The following PCDH11X variants were observed in gnomAD, a reference collection of about 807,000 sequenced individuals.
PCDH11X encodes the protein protocadherin 11 X-linked, also known as protocadherin-11 X-linked.
In PCDH11X, 18 loss-of-function variants were observed where a neutral mutation model predicts 53.3. That is an observed-to-expected ratio of 0.34 (90% CI 0.23 to 0.50). The LOEUF is 0.50. PCDH11X is among the 20% of genes least tolerant of loss of function. The pLI, the probability that PCDH11X is intolerant of heterozygous loss-of-function variation, is 0.98. For synonymous variants in PCDH11X, 279 were observed against 393.3 expected, an observed-to-expected ratio of 0.71 and a Z score of 3.44; for missense variants, 570 against 1,032.4, an observed-to-expected ratio of 0.55 and a Z score of 6.14.
At chrX:92,032,584 T>G (rs1376304027) in intron 6 of PCDH11X, among the ~76,000 whole-genome samples, 2 of 111,227 alleles carry the variant, frequency 1.8e-5, no homozygotes, top group Non-Finnish European at 3.8e-5. Context: ...GGCTTTCAGT[T>G]TTTTTCCCAT....
intron 10 of PCDH11X, among the ~76,000 whole-genome samples, chrX:92,557,928 G>T (rs1438059582): frequency 1.8e-5 from 2 of 108,833 alleles, no homozygotes; most frequent in Non-Finnish European, 3.8e-5. Flanking sequence ...TATGGCAAAA[G>T]GCAAAGCAGG....
chrX:92,536,761 G>C, intron 10 of PCDH11X, among the ~76,000 whole-genome samples: 1 of 103,560 alleles, frequency 9.7e-6, no homozygotes, highest in Admixed American at 1.1e-4. Flanking sequence ...GGGATCAAGC[G>C]ATCTCCCTGT....
intron 6 of PCDH11X, among the ~76,000 whole-genome samples, chrX:92,031,618 C>T (rs1223565193): frequency 4.5e-5 from 5 of 111,734 alleles, no homozygotes; most frequent in African/African-American, 1.6e-4. Context: ...AATTTCATGT[C>T]TTAGATTTAA....
intron 6 of PCDH11X, among the ~76,000 whole-genome samples, chrX:91,912,711 C>G (rs1364222291): frequency 2.8e-5 from 3 of 108,707 alleles, no homozygotes; most frequent in Non-Finnish European, 5.7e-5. Flanking sequence ...ATGTATAGCT[C>G]CCACATGGAC....
chrX:92,436,309 A>G (rs1223829608), intron 9 of PCDH11X, among the ~76,000 whole-genome samples: 2 of 110,789 alleles, frequency 1.8e-5, no homozygotes, highest in African/African-American at 6.6e-5. Context: ...GCTTTTATTA[A>G]AAAGTCAAAA....
At chrX:92,575,545 A>G (rs1413394945) in intron 10 of PCDH11X, among the ~76,000 whole-genome samples, 1 of 108,991 alleles carries the variant, frequency 9.2e-6, no homozygotes, top group Non-Finnish European at 1.9e-5. Context: ...ATATTATCAT[A>G]GGTTCATTAG....
rs761370639 is a variant in PCDH11X, at chrX:92,193,972, T to G, written c.3034-7403T>G. Among the ~76,000 whole-genome samples the G allele has an allele frequency of 2.7e-5, 3 of 112,196 alleles. No homozygotes were observed. The South Asian group carries it at 1.1e-3, about 41-fold the overall frequency. On this transcript the variant is annotated intron_variant, in intron 6 of 10. Coordinates refer to ENST00000682573, the MANE Select transcript of PCDH11X (RefSeq NM_032968.5). ...TGAATCATACGTTTAGAAAAAATTT[T>G]AATGCATTCATAGCCATCTTTAAAA...
At chrX:92,256,798 G>A (rs188668699) in intron 7 of PCDH11X, among the ~76,000 whole-genome samples, 6 of 110,312 alleles carry the variant, frequency 5.4e-5, no homozygotes, top group African/African-American at 2.0e-4. Context: ...ACTTATAAGT[G>A]AGAACATGTG....
At chrX:91,974,056 T>C (rs1320470145) in intron 6 of PCDH11X, among the ~76,000 whole-genome samples, 4 of 111,933 alleles carry the variant, frequency 3.6e-5, no homozygotes, top group Non-Finnish European at 7.5e-5. Flanking sequence ...AGAAAACTTT[T>C]TATAAATCTG....
At chrX:92,107,827 A>G (rs947053454) in intron 6 of PCDH11X, among the ~76,000 whole-genome samples, 4 of 112,224 alleles carry the variant, frequency 3.6e-5, no homozygotes, top group African/African-American at 6.5e-5. Flanking sequence ...GTCATGGGCC[A>G]TGGTCACTCA....
At chrX:91,887,965 A>T (rs1940308723) in intron 6 of PCDH11X, among the ~76,000 whole-genome samples, 1 of 111,681 alleles carries the variant, frequency 9.0e-6, no homozygotes. Flanking sequence ...ATACCATCTA[A>T]TATTTTCCAA....
chrX:92,104,174 A>C (rs929859303), intron 6 of PCDH11X, among the ~76,000 whole-genome samples: 6 of 111,118 alleles, frequency 5.4e-5, no homozygotes, highest in African/African-American at 1.6e-4. Context: ...AGTGCTAGTC[A>C]CGGAATGAAA....
intron 8 of PCDH11X, among the ~76,000 whole-genome samples, chrX:92,317,940 G>A (rs759677678): frequency 1.8e-5 from 2 of 111,291 alleles, no homozygotes; most frequent in African/African-American, 6.5e-5. Flanking sequence ...GTTAGTTATT[G>A]TTATTAGTAG....
chrX:92,571,560 T>C (rs1922213116), intron 10 of PCDH11X, among the ~76,000 whole-genome samples: 1 of 107,499 alleles, frequency 9.3e-6, no homozygotes. Flanking sequence ...AAGAAAGCAG[T>C]CTGCGTTCTT....
chrX:92,144,328 A>G (rs1253217510), intron 6 of PCDH11X, among the ~76,000 whole-genome samples: 1 of 109,492 alleles, frequency 9.1e-6, no homozygotes, highest in Non-Finnish European at 1.9e-5. Flanking sequence ...TGTGTCCCCA[A>G]CCAAATCTCA....
intron 6 of PCDH11X, among the ~76,000 whole-genome samples, chrX:92,050,397 T>G (rs2063351894): frequency 1.8e-5 from 2 of 108,768 alleles, no homozygotes; most frequent in South Asian, 4.1e-4. Context: ...ATGAAATTCA[T>G]AATTTACTGG....
At chrX:92,411,891 A>G (rs2071659129) in intron 9 of PCDH11X, among the ~76,000 whole-genome samples, 1 of 86,962 alleles carries the variant, frequency 1.1e-5, no homozygotes, top group Non-Finnish European at 2.2e-5. Context: ...GAAAAAGAAG[A>G]AGAAGAGGGA....
At chrX:92,061,277 G>A (rs74410327) in intron 6 of PCDH11X, among the ~76,000 whole-genome samples, 2 of 111,556 alleles carry the variant, frequency 1.8e-5, no homozygotes, top group Non-Finnish European at 3.8e-5. Flanking sequence ...CCATACTGTA[G>A]GTTGTCTGTT....
At chrX:92,072,772 T>G (rs1298131973) in intron 6 of PCDH11X, among the ~76,000 whole-genome samples, 1 of 111,281 alleles carries the variant, frequency 9.0e-6, no homozygotes, top group Non-Finnish European at 1.9e-5. Flanking sequence ...GGTGACATGG[T>G]GCAAGCACTC....
Sources: allele counts gnomAD v4.1 joint callset (sites outside exome capture counted in the v4.1 genomes callset), GRCh38; gene constraint gnomAD v4.1.1; transcripts MANE v1.5; gene names NCBI Gene and HGNC (gene_info 2026-07-23, HGNC 2026-07-21).